Variants in BRINP1 observed in about 807,000 individuals in gnomAD.
BRINP1 encodes BMP/retinoic acid inducible neural specific 1.
Under a neutral mutation model 72.9 loss-of-function variants are expected in BRINP1, and 17 were observed. The observed-to-expected ratio is 0.23, with a 90% CI of 0.16 to 0.35. The LOEUF is 0.35. Among genes scored for constraint, BRINP1 ranks in the 10% least tolerant of loss-of-function variants. The pLI, the probability that BRINP1 is intolerant of heterozygous loss-of-function variation, is 1.00. For synonymous variants in BRINP1, 418 were observed against 378.5 expected (o/e 1.10, Z -1.21); for missense variants, 850 against 1,001.6 (o/e 0.85, Z 2.04).
chr9:119,315,377 C>T (rs566829210), intron 1 of BRINP1, among the ~76,000 whole-genome samples: 1 of 151,842 alleles, frequency 6.6e-6, no homozygotes, highest in Admixed American at 6.6e-5. Context: ...GGTAAGCAAA[C>T]TTTGATGTTA....
intron 2 of BRINP1, among the ~76,000 whole-genome samples, chr9:119,280,542 C>T (rs1476536719): frequency 1.3e-5 from 2 of 152,022 alleles, no homozygotes; most frequent in Non-Finnish European, 2.9e-5. Flanking sequence ...CCGCACCCAG[C>T]CAAAATATCT....
At chr9:119,263,171 C>A (rs1156938706) in intron 2 of BRINP1, among the ~76,000 whole-genome samples, 1 of 152,150 alleles carries the variant, frequency 6.6e-6, no homozygotes, top group East Asian at 1.9e-4. Context: ...AGGTCAGCCA[C>A]CCGCATCACA....
In BRINP1 at chr9:119,167,924, G is replaced by A. The variant is rs1360506514; in HGVS notation, c.1446C>T (p.Asp482=). The change falls in exon 8 of 8, where the codon GAC becomes GAT. Residue 482 remains aspartate (D), a synonymous_variant. Transcript: ENST00000265922. The surrounding 1 kb of genome is among the most constrained non-coding windows in gnomAD (Gnocchi z 4.3). The stretch of plus-strand genomic sequence containing the variant: ...GGTACTTCAGCTCCAGGTCCTGGAA[G>A]TCCAGGTCAGTCTCAAAGCTGATGA... ...EQFISFETDL[D]FQDLELKYLL... is the part of the protein sequence containing the mutation. 5.0e-6 allele frequency: 8 copies of A among 1,614,232 alleles called. No homozygotes were observed. In the South Asian group the frequency reaches 8.8e-5, roughly 18 times the overall value.
chr9:119,168,289 C>A (rs1028358743), intron 7 of BRINP1, 65 bp from the exon 8 acceptor site: 7 of 1,320,026 alleles, frequency 5.3e-6, no homozygotes, highest in South Asian at 1.6e-5. Context: ...TTACAGTTAT[C>A]CAACTGATAA....
intron 2 of BRINP1, among the ~76,000 whole-genome samples, chr9:119,311,377 T>C (rs1168619548): frequency 6.6e-6 from 1 of 152,228 alleles, no homozygotes. Flanking sequence ...TATTGGATGA[T>C]TGCAAACTTT....
In BRINP1 at chr9:119,313,350, G is replaced by A; in HGVS notation, c.6C>T (p.Asn2=). 2 of 1,613,630 alleles carry A rather than the reference G, an allele frequency of 1.2e-6. No individual in the cohort carries two copies. Among genetic ancestry groups the A allele is most frequent in the Non-Finnish European group, 1.7e-6 (2 of 1,179,962 alleles). M[N]WRFVELLYFL... is the part of the protein sequence containing the mutation. The stretch of plus-strand genomic sequence containing the variant: ...AGTAGAGGAGCTCAACAAACCTCCA[G>A]TTCATGCTTTTCTGCCGGCCTTTTT... The change falls in exon 2 of 8, where the codon AAC becomes AAT. Residue 2 remains asparagine (N), a synonymous_variant. Coordinates refer to ENST00000265922, the MANE Select transcript of BRINP1 (RefSeq NM_014618.3).
At chr9:119,210,956 CTGAT>C (rs1424909779) in intron 6 of BRINP1, among the ~76,000 whole-genome samples, 1 of 152,158 alleles carries the variant, frequency 6.6e-6, no homozygotes, top group African/African-American at 2.4e-5. Flanking sequence ...AGACTCTACA[CTGAT>C]TGATTGACTC....
rs369044829 is a variant in BRINP1 at position 119,167,073 on chromosome 9, G to A, written c.*11C>T. Reference sequence around the variant, plus strand: ...CAACAACAGGAAAAGTCCATGGCAAGGAGTCCCGGGTTAGCAGAGTTTGGC... The same window carrying A: ...CAACAACAGGAAAAGTCCATGGCAAAGAGTCCCGGGTTAGCAGAGTTTGGC... On this transcript the variant is annotated 3_prime_UTR_variant, in exon 8 of 8. Coordinates refer to ENST00000265922, the MANE Select transcript of BRINP1 (RefSeq NM_014618.3). The surrounding 1 kb of genome is among the most constrained non-coding windows in gnomAD (Gnocchi z 4.3). 1.9e-6 allele frequency: 3 copies of A among 1,579,324 alleles called. No individual in the cohort carries two copies. In the African/African-American group the frequency reaches 4.0e-5, roughly 21 times the overall value.
intron 2 of BRINP1, among the ~76,000 whole-genome samples, chr9:119,310,121 A>G (rs542931885): frequency 1.3e-5 from 2 of 152,274 alleles, no homozygotes; most frequent in Admixed American, 1.3e-4. Flanking sequence ...AGGACCTTGG[A>G]GATGACTTCA....
At chr9:119,238,237 T>G (rs898000904) in intron 5 of BRINP1, among the ~76,000 whole-genome samples, 4 of 152,130 alleles carry the variant, frequency 2.6e-5, no homozygotes, top group Non-Finnish European at 4.4e-5. Flanking sequence ...CCCTGCAATC[T>G]CCTCTCCTTT....
intron 2 of BRINP1, among the ~76,000 whole-genome samples, chr9:119,312,065 G>A (rs925009481): frequency 1.3e-5 from 2 of 152,188 alleles, no homozygotes; most frequent in South Asian, 2.1e-4. Flanking sequence ...TCACTAAAAG[G>A]ATGCTACTGT....
intron 5 of BRINP1, among the ~76,000 whole-genome samples, chr9:119,224,631 C>G (rs1234117140): frequency 6.6e-6 from 1 of 152,036 alleles, no homozygotes; most frequent in South Asian, 2.1e-4. Flanking sequence ...GTCAGCTGTG[C>G]TTTGGCTCTG....
At chr9:119,319,459 T>A (rs1265328013) in intron 1 of BRINP1, among the ~76,000 whole-genome samples, 1 of 152,200 alleles carries the variant, frequency 6.6e-6, no homozygotes, top group Admixed American at 6.5e-5. Flanking sequence ...AATGGATATT[T>A]TGTTGGGCTG....
At chr9:119,268,755 C>T (rs527351540) in intron 2 of BRINP1, among the ~76,000 whole-genome samples, 16 of 152,292 alleles carry the variant, frequency 1.1e-4, no homozygotes, top group African/African-American at 3.1e-4. Context: ...ATTTATTGCA[C>T]GGCTCATCAC....
intron 2 of BRINP1, among the ~76,000 whole-genome samples, chr9:119,255,723 G>A (rs1191459059): frequency 6.6e-6 from 1 of 152,006 alleles, no homozygotes; most frequent in African/African-American, 2.4e-5. Context: ...GGAGGTCAAG[G>A]CGGGCAGATC....
At chr9:119,359,817 C>G (rs1014377807) in intron 1 of BRINP1, among the ~76,000 whole-genome samples, 7 of 152,194 alleles carry the variant, frequency 4.6e-5, no homozygotes, top group Non-Finnish European at 7.3e-5. Context: ...ATATCTACAT[C>G]AAATATCCAT....
At position 119,249,139 on chromosome 9, in the gene BRINP1, C is replaced by T. The variant is rs780547528; in HGVS notation, c.230G>A (p.Arg77His). ...GATGGCTGTGTTCCTCACCTTCCAA[C>T]GGGCAAACTCCCTGGGCAGGAGAAA... ...TRYKIYREFA[R>H]WKVRNTAIER... Residue 77 changes from arginine to histidine, a missense_variant, in exon 3 of 8, where the codon CGT becomes CAT. Arg to His is a conservative substitution (Grantham distance 29). Coordinates refer to ENST00000265922, the MANE Select transcript of BRINP1 (RefSeq NM_014618.3). 116 of 1,613,106 alleles carry T rather than the reference C, an allele frequency of 7.2e-5. No homozygotes were observed. Among genetic ancestry groups the T allele is most frequent in the South Asian group, 4.7e-4 (43 of 90,988 alleles).
intron 7 of BRINP1, among the ~76,000 whole-genome samples, chr9:119,197,589 G>A (rs571402926): frequency 6.6e-6 from 1 of 152,296 alleles, no homozygotes; most frequent in African/African-American, 2.4e-5. Context: ...AGTGGGACAA[G>A]TTCTCATAAT....
intron 7 of BRINP1, among the ~76,000 whole-genome samples, chr9:119,177,179 A>G (rs982820419): frequency 3.9e-5 from 6 of 152,306 alleles, no homozygotes; most frequent in African/African-American, 1.4e-4. Flanking sequence ...AAAAAAGGAA[A>G]AACAAACTTC....
Sources: gnomAD v4.1 joint callset for allele counts (sites outside exome capture counted in the v4.1 genomes callset) on GRCh38, gnomAD v4.1.1 for gene constraint, Gnocchi (gnomAD v3.1) non-coding constraint, MANE v1.5 for transcripts, NCBI Gene and HGNC (gene_info 2026-07-23, HGNC 2026-07-21) for gene names.